Variants in MARCHF8 observed in about 807,000 individuals in gnomAD.
MARCHF8 encodes the protein membrane associated ring-CH-type finger 8, also known as E3 ubiquitin-protein ligase MARCHF8.
A neutral mutation model predicts 51.6 loss-of-function variants in MARCHF8; 40 were observed. That is an observed-to-expected ratio of 0.77 (90% CI 0.60 to 1.01). The LOEUF (loss-of-function observed/expected upper bound fraction) is 1.01, where lower values mean the gene tolerates loss of function less well. Ranked by LOEUF, MARCHF8 falls within the 50% of genes least tolerant of loss-of-function variation. The pLI is 0.00. For missense variants in MARCHF8, 685 were observed against 708.6 expected, an observed-to-expected ratio of 0.97 and a Z score of 0.38; for synonymous variants, 263 against 280.3, an observed-to-expected ratio of 0.94 and a Z score of 0.62.
intron 1 of MARCHF8, among the ~76,000 whole-genome samples, chr10:45,583,624 C>A (rs985389632): frequency 6.6e-6 from 1 of 151,950 alleles, no homozygotes; most frequent in African/African-American, 2.4e-5. Flanking sequence ...TAAAAGAATG[C>A]GGATCTGTAT....
At chr10:45,475,602 A>C (rs2042773533) in intron 3 of MARCHF8, among the ~76,000 whole-genome samples, 1 of 152,100 alleles carries the variant, frequency 6.6e-6, no homozygotes, top group Non-Finnish European at 1.5e-5. Flanking sequence ...TGGTTCAACC[A>C]GCCCATCACA....
chr10:45,458,130 AC>A lies in MARCHF8; in HGVS notation c.*108del, dbSNP rs1842663250. On this transcript the variant is annotated 3_prime_UTR_variant, in exon 8 of 8. Coordinates refer to ENST00000453424, the MANE Select transcript of MARCHF8 (RefSeq NM_001282866.2). ...AAAAGAGAAGCCACTATAAATAGTC[AC>A]CTGTCCAGTCTATGCTATTAAAGGA... 8.7e-7 allele frequency: 1 copy of A among 1,144,468 alleles called. No homozygotes were observed. The highest frequency in any genetic ancestry group is 1.6e-5 in the African/African-American group (1 of 64,308). The allele number at this position is 1,144,468 out of a possible 1,614,324, so 70.9% of individuals were successfully genotyped here.
At chr10:45,468,068 A>G (rs1225927979) in intron 3 of MARCHF8, among the ~76,000 whole-genome samples, 11 of 152,144 alleles carry the variant, frequency 7.2e-5, no homozygotes, top group Non-Finnish European at 1.6e-4. Flanking sequence ...CCAAGCCTAA[A>G]TCCCAGTTTA....
At chr10:45,519,302 TA>T (rs1021291392) in intron 2 of MARCHF8, among the ~76,000 whole-genome samples, 7 of 152,152 alleles carry the variant, frequency 4.6e-5, no homozygotes, top group African/African-American at 1.7e-4. Flanking sequence ...GTGGCAAAAC[TA>T]AATAAACGCC....
chr10:45,508,712 T>G (rs35172875), intron 2 of MARCHF8, among the ~76,000 whole-genome samples: 9,376 of 152,270 alleles, frequency 0.062, 330 homozygotes, highest in Non-Finnish European at 0.066. Context: ...ATATCTAGGA[T>G]TATTGCTATA....
In MARCHF8 at chr10:45,560,379, T is replaced by TA. The variant is rs150623356; in HGVS notation, c.-78-27091dup. ...GCTTAGGTTAGATAACAAGGGGATG[T>TA]AAAAAAACTGATCTAGATAAGTTAG... is the stretch of plus-strand genomic sequence containing the variant. On this transcript the variant is annotated intron_variant, in intron 1 of 6. Coordinates refer to the MARCHF8 transcript ENST00000319836. Among the ~76,000 whole-genome samples the TA allele has an allele frequency of 3.8e-3, 574 of 152,264 alleles. 11 individuals are homozygous for TA. In the East Asian group the frequency reaches 0.053, roughly 14 times the overall value.
chr10:45,493,523 G>A (rs1468026644), intron 2 of MARCHF8, among the ~76,000 whole-genome samples: 2 of 152,176 alleles, frequency 1.3e-5, no homozygotes, highest in Non-Finnish European at 2.9e-5. Flanking sequence ...GAGCTCCTCA[G>A]AACACAGCCT....
intron 3 of MARCHF8, among the ~76,000 whole-genome samples, chr10:45,478,297 C>A (rs1460411055): frequency 6.6e-6 from 1 of 152,142 alleles, no homozygotes; most frequent in Non-Finnish European, 1.5e-5. Flanking sequence ...TCAATGACCA[C>A]TGGGTGAAGG....
intron 1 of MARCHF8, among the ~76,000 whole-genome samples, chr10:45,562,438 G>C (rs980119438): frequency 2.6e-5 from 4 of 152,120 alleles, no homozygotes; most frequent in Non-Finnish European, 4.4e-5. Context: ...AATTAGCTCA[G>C]ACTATAGAAT....
At chr10:45,549,060 G>A (rs2044164346) in intron 1 of MARCHF8, among the ~76,000 whole-genome samples, 1 of 151,956 alleles carries the variant, frequency 6.6e-6, no homozygotes, top group South Asian at 2.1e-4. Context: ...GAGCTCTTCA[G>A]TGCTTGCCCT....
At chr10:45,467,720 T>C (rs1843015774) in intron 3 of MARCHF8, among the ~76,000 whole-genome samples, 1 of 151,656 alleles carries the variant, frequency 6.6e-6, no homozygotes, top group Admixed American at 6.6e-5. Flanking sequence ...CCAGCCGTCC[T>C]GCTCTTTCTG....
upstream of MARCHF8, among the ~76,000 whole-genome samples, chr10:45,537,631 T>G (rs2043991138): frequency 6.8e-6 from 1 of 147,208 alleles, no homozygotes; most frequent in Non-Finnish European, 1.5e-5. Context: ...CCAGCCTAGG[T>G]GATACAGTGA....
rs759673296 is a variant in MARCHF8, at chr10:45,461,356, T to C, written c.1144A>G (p.Thr382Ala). The change falls in exon 6 of 8, where the codon ACA becomes GCA. Residue 382 changes from threonine (T) to alanine (A), a missense_variant. Transcript: ENST00000453424. Reference sequence around the variant, plus strand: ...TGGTGCACGAAGTGGAGGCTTCCTGTGCAGTGGCAGGGGGTGATCAGGGGG... The same window carrying C: ...TGGTGCACGAAGTGGAGGCTTCCTGCGCAGTGGCAGGGGGTGATCAGGGGG... ...ESPLITPCHC[T>A]GSLHFVHQAC... 36 of 1,606,136 alleles carry C rather than the reference T, an allele frequency of 2.2e-5. No homozygotes were observed. Among genetic ancestry groups the C allele is most frequent in the Admixed American group, 2.2e-4 (13 of 58,636 alleles).
At chr10:45,520,030 C>G (rs2043682293) in intron 2 of MARCHF8, among the ~76,000 whole-genome samples, 1 of 152,186 alleles carries the variant, frequency 6.6e-6, no homozygotes, top group Non-Finnish European at 1.5e-5. Flanking sequence ...GAACTACGCA[C>G]TCAGCAGCAG....
intron 2 of MARCHF8, among the ~76,000 whole-genome samples, chr10:45,508,628 T>C (rs986471603): frequency 1.3e-5 from 2 of 152,190 alleles, no homozygotes; most frequent in East Asian, 3.8e-4. Context: ...TTCATTAATA[T>C]ACAGAAGCTT....
intron 3 of MARCHF8, among the ~76,000 whole-genome samples, chr10:45,483,875 T>C (rs2042932976): frequency 6.6e-6 from 1 of 152,172 alleles, no homozygotes; most frequent in Non-Finnish European, 1.5e-5. Context: ...AGTAGAATTA[T>C]AGGTACTAGA....
At chr10:45,588,085 A>T (rs1438116115) in intron 1 of MARCHF8, among the ~76,000 whole-genome samples, 1 of 152,104 alleles carries the variant, frequency 6.6e-6, no homozygotes, top group Non-Finnish European at 1.5e-5. Flanking sequence ...CATAGGAGAA[A>T]ATTCAGTAGG....
intron 1 of MARCHF8, among the ~76,000 whole-genome samples, chr10:45,588,205 G>C (rs546995594): frequency 1.3e-5 from 2 of 150,320 alleles, no homozygotes; most frequent in East Asian, 3.9e-4. Flanking sequence ...GTGAAAACAT[G>C]TCTTCATTTC....
intron 1 of MARCHF8, among the ~76,000 whole-genome samples, chr10:45,576,315 G>A (rs1171110202): frequency 6.6e-6 from 1 of 152,132 alleles, no homozygotes; most frequent in South Asian, 2.1e-4. Context: ...ACAGAACAAT[G>A]ATGAACTTCA....
Sources: allele counts gnomAD v4.1 joint callset (sites outside exome capture counted in the v4.1 genomes callset), GRCh38; gene constraint gnomAD v4.1.1; transcripts MANE v1.5; gene names NCBI Gene and HGNC (gene_info 2026-07-23, HGNC 2026-07-21).